Variants in PLPPR5 observed in about 807,000 individuals in gnomAD.
The protein encoded by PLPPR5 is phospholipid phosphatase-related protein type 5.
In PLPPR5, 16 loss-of-function variants were observed where a neutral mutation model predicts 33.9. The observed-to-expected ratio is 0.47, with a 90% confidence interval of 0.32 to 0.72. The LOEUF (loss-of-function observed/expected upper bound fraction) is 0.72. Ranked by LOEUF, PLPPR5 falls within the 30% of genes least tolerant of loss-of-function variation. The pLI is 0.03. For missense variants in PLPPR5, 301 were observed against 406.7 expected, an observed-to-expected ratio of 0.74 and a Z score of 2.23; for synonymous variants, 163 against 150.3, an observed-to-expected ratio of 1.08 and a Z score of -0.62.
chr1:98,900,526 C>A (rs1648659014), intron 5 of PLPPR5, among the ~76,000 whole-genome samples: 1 of 152,082 alleles, frequency 6.6e-6, no homozygotes, highest in Non-Finnish European at 1.5e-5. Context: ...TATTACGAAT[C>A]TGATTATAAA....
rs1241410999 is a variant in PLPPR5 at position 98,942,363 on chromosome 1, C to T, written c.621+10707G>A. On this transcript the variant is annotated intron_variant, in intron 3 of 5. Coordinates refer to ENST00000263177, the MANE Select transcript of PLPPR5 (RefSeq NM_001037317.2). ...CGGACTACAGTGCTATATATTTTTT[C>T]CTATATGTTAAGGCACTTAAAATGT... Among the ~76,000 whole-genome samples the T allele has an allele frequency of 2.0e-5, 3 of 152,242 alleles. No individual in the cohort carries two copies. The East Asian group carries it at 5.8e-4, about 29-fold the overall frequency.
chr1:98,958,252 T>C (rs1293772068), intron 1 of PLPPR5, among the ~76,000 whole-genome samples: 1 of 152,222 alleles, frequency 6.6e-6, no homozygotes, highest in East Asian at 1.9e-4. Context: ...TATCTATGAT[T>C]ACAAGATATT....
chr1:98,927,606 G>T (rs1009321002), intron 3 of PLPPR5, among the ~76,000 whole-genome samples: 3 of 152,218 alleles, frequency 2.0e-5, no homozygotes, highest in African/African-American at 7.2e-5. Flanking sequence ...CCTGCTGCAG[G>T]TGTACTAAGA....
At chr1:98,954,320 A>C (rs1176416533) in intron 2 of PLPPR5, among the ~76,000 whole-genome samples, 2 of 152,174 alleles carry the variant, frequency 1.3e-5, no homozygotes, top group Admixed American at 1.3e-4. Context: ...AATAAAATCC[A>C]ACAGGACCTT....
intron 5 of PLPPR5, among the ~76,000 whole-genome samples, chr1:98,908,192 G>A (rs1648978011): frequency 6.6e-6 from 1 of 152,094 alleles, no homozygotes; most frequent in South Asian, 2.1e-4. Flanking sequence ...ACATTATTGA[G>A]GCTGCACAGA....
chr1:98,996,424 G>A (rs1652634841), intron 1 of PLPPR5, among the ~76,000 whole-genome samples: 1 of 152,058 alleles, frequency 6.6e-6, no homozygotes, highest in Non-Finnish European at 1.5e-5. Flanking sequence ...AAAAAAAATG[G>A]TGATTTTACT....
chr1:98,961,628 T>C (rs948637129), intron 1 of PLPPR5, among the ~76,000 whole-genome samples: 9 of 152,242 alleles, frequency 5.9e-5, no homozygotes, highest in Non-Finnish European at 1.3e-4. Flanking sequence ...CTATTCTTTC[T>C]TCCTAAGCTT....
rs570957523 is a variant in PLPPR5 at position 98,996,179 on chromosome 1, T to C, written c.237+8256A>G. Among the ~76,000 whole-genome samples, 3 of 152,176 alleles carry C rather than the reference T, an allele frequency of 2.0e-5. No homozygotes were observed. In the East Asian group the frequency reaches 5.8e-4, roughly 29 times the overall value. On this transcript the variant is annotated intron_variant, in intron 1 of 5. Transcript: ENST00000263177. Reference sequence around the variant, plus strand: ...ATTCCAGGAAGTTGTTTTTTGGTTTTGTGGGGGTGAGGGAAGCATAATAGA... The same window carrying C: ...ATTCCAGGAAGTTGTTTTTTGGTTTCGTGGGGGTGAGGGAAGCATAATAGA...
intron 2 of PLPPR5, among the ~76,000 whole-genome samples, chr1:98,954,705 C>A (rs1363444737): frequency 6.6e-6 from 1 of 152,064 alleles, no homozygotes; most frequent in African/African-American, 2.4e-5. Flanking sequence ...TAACATCTCA[C>A]CAGCATTGTT....
intron 3 of PLPPR5, among the ~76,000 whole-genome samples, chr1:98,941,616 T>C (rs1570717807): frequency 6.6e-6 from 1 of 151,682 alleles, no homozygotes; most frequent in Non-Finnish European, 1.5e-5. Flanking sequence ...TTCCCTATAA[T>C]GTATAGAAGT....
intron 5 of PLPPR5, among the ~76,000 whole-genome samples, chr1:98,902,750 G>T (rs1648744068): frequency 6.6e-6 from 1 of 152,056 alleles, no homozygotes; most frequent in African/African-American, 2.4e-5. Context: ...CACTGGAAAT[G>T]ATTTTTAAAT....
intron 5 of PLPPR5, among the ~76,000 whole-genome samples, chr1:98,902,993 T>C (rs1309843408): frequency 2.6e-5 from 4 of 152,040 alleles, no homozygotes; most frequent in African/African-American, 9.7e-5. Flanking sequence ...TGTGGAAAAA[T>C]TGATTCTGAG....
chr1:99,001,134 T>C (rs932885997), intron 1 of PLPPR5, among the ~76,000 whole-genome samples: 2 of 78,052 alleles, frequency 2.6e-5, no homozygotes, highest in African/African-American at 9.1e-5. Flanking sequence ...TTCCCAACTC[T>C]TTTTTTTTTT....
At chr1:98,979,255 A>G (rs1450259161) in intron 1 of PLPPR5, among the ~76,000 whole-genome samples, 1 of 151,890 alleles carries the variant, frequency 6.6e-6, no homozygotes, top group African/African-American at 2.4e-5. Flanking sequence ...TTCTTTACTC[A>G]CTGCAAAGTA....
chr1:98,909,609 G>A (rs1649045494), intron 5 of PLPPR5, among the ~76,000 whole-genome samples: 2 of 151,904 alleles, frequency 1.3e-5, no homozygotes, highest in South Asian at 4.2e-4. Context: ...CTCATATGAT[G>A]ATCAGTTTAT....
At chr1:98,998,274 A>T (rs1300669432) in intron 1 of PLPPR5, among the ~76,000 whole-genome samples, 1 of 152,162 alleles carries the variant, frequency 6.6e-6, no homozygotes, top group Non-Finnish European at 1.5e-5. Context: ...TTAGAAACAG[A>T]AGTACCTCCA....
chr1:98,984,104 A>G (rs1044189054), intron 1 of PLPPR5, among the ~76,000 whole-genome samples: 3 of 152,030 alleles, frequency 2.0e-5, no homozygotes, highest in African/African-American at 7.2e-5. Context: ...CCAAAGCCAC[A>G]ACTTGACTGG....
At chr1:98,978,112 C>T (rs989721140) in intron 1 of PLPPR5, among the ~76,000 whole-genome samples, 29 of 151,946 alleles carry the variant, frequency 1.9e-4, no homozygotes, top group African/African-American at 6.5e-4. Context: ...CCTCTGGCAT[C>T]GACAATGATT....
chr1:98,944,278 A>G (rs184658065), intron 3 of PLPPR5, among the ~76,000 whole-genome samples: 37 of 152,322 alleles, frequency 2.4e-4, no homozygotes, highest in African/African-American at 8.9e-4. Flanking sequence ...GACGCACAAT[A>G]CTTTGTAGAT....
Sources: allele counts gnomAD v4.1 joint callset (sites outside exome capture counted in the v4.1 genomes callset), GRCh38; gene constraint gnomAD v4.1.1; transcripts MANE v1.5; gene names NCBI Gene and HGNC (gene_info 2026-07-23, HGNC 2026-07-21).